AGAP1: variants seen among roughly 807,000 people sequenced by gnomAD.
AGAP1 encodes arf-GAP with GTPase, ANK repeat and PH domain-containing protein 1.
A neutral mutation model predicts 105.3 loss-of-function variants in AGAP1; 29 were observed. The observed-to-expected ratio is 0.28, with a 90% confidence interval of 0.21 to 0.38. AGAP1 has a LOEUF of 0.38. AGAP1 is among the 10% of genes least tolerant of loss of function. The pLI, the probability that AGAP1 is intolerant of heterozygous loss-of-function variation, is 1.00. For missense variants in AGAP1, 998 were observed against 1,165.1 expected, an observed-to-expected ratio of 0.86 and a Z score of 2.09; for synonymous variants, 509 against 485.9, an observed-to-expected ratio of 1.05 and a Z score of -0.63.
At chr2:235,946,091 T>G (rs1392920554) in intron 12 of AGAP1, among the ~76,000 whole-genome samples, 1 of 141,030 alleles carries the variant, frequency 7.1e-6, no homozygotes, top group Non-Finnish European at 1.5e-5. Context: ...ATCCAAATTA[T>G]GCATTTTTCC....
At position 235,555,153 on chromosome 2, in the gene AGAP1, T is replaced by G. The variant is rs771433350; in HGVS notation, c.163+60304T>G. 2.0e-5 allele frequency among the ~76,000 whole-genome samples: 3 copies of G among 152,172 alleles called. No individual in the cohort carries two copies. The highest frequency in any genetic ancestry group is 4.4e-5 in the Non-Finnish European group (3 of 68,030). On this transcript the variant is annotated intron_variant, in intron 1 of 17. Coordinates refer to ENST00000304032, the MANE Select transcript of AGAP1 (RefSeq NM_001037131.3). The surrounding 1 kb of genome is among the most constrained non-coding windows in gnomAD (Gnocchi z 5.1). ...GCAGAGGCACAGGGGTTGCTGATTCTTCTTTCCAGATGGATGTTTCTAAAG... is the reference window on the plus strand; with the variant it reads ...GCAGAGGCACAGGGGTTGCTGATTCGTCTTTCCAGATGGATGTTTCTAAAG...
At chr2:235,743,912 A>T (rs1162574958) in intron 4 of AGAP1, among the ~76,000 whole-genome samples, 1 of 152,202 alleles carries the variant, frequency 6.6e-6, no homozygotes, top group African/African-American at 2.4e-5. Flanking sequence ...GCCTCCACTC[A>T]CTCAGCTCCA....
At chr2:235,833,328 A>G (rs1485540732) in intron 9 of AGAP1, among the ~76,000 whole-genome samples, 1 of 152,214 alleles carries the variant, frequency 6.6e-6, no homozygotes, top group African/African-American at 2.4e-5. Flanking sequence ...TATTTTAGAA[A>G]CTTAGAAAAA....
chr2:235,766,823 C>T (rs143644600), intron 6 of AGAP1, among the ~76,000 whole-genome samples: 1 of 152,134 alleles, frequency 6.6e-6, no homozygotes, highest in Non-Finnish European at 1.5e-5. Context: ...CTCACTGCTA[C>T]CTCCACTTCC....
intron 1 of AGAP1, among the ~76,000 whole-genome samples, chr2:235,707,976 G>T (rs554106531): frequency 4.6e-5 from 7 of 152,218 alleles, no homozygotes; most frequent in Non-Finnish European, 1.0e-4. Context: ...CGTGTGACCT[G>T]GTGGGTTGTG....
intron 1 of AGAP1, among the ~76,000 whole-genome samples, chr2:235,573,300 G>T (rs1169592973): frequency 1.3e-5 from 2 of 151,674 alleles, no homozygotes; most frequent in Non-Finnish European, 2.9e-5. Flanking sequence ...GCCTAGGCTG[G>T]TCTCAAATTC....
Position 236,120,593 on chromosome 2 carries a change from G to A in AGAP1, c.2370+146G>A. On this transcript the variant is annotated intron_variant, in intron 17 of 17. Transcript: ENST00000304032. The surrounding 1 kb of genome is among the most constrained non-coding windows in gnomAD (Gnocchi z 6.0). ...TTCCTAATGGGAAACTCTGATTGAA[G>A]AGCAGAGGGCCTTACGGAGAGACAG... 1 of 1,426,096 alleles carries A rather than the reference G, an allele frequency of 7.0e-7. No individual in the cohort carries two copies. Among genetic ancestry groups the A allele is most frequent in the Non-Finnish European group, 9.3e-7 (1 of 1,072,078 alleles). The allele number at this position is 1,426,096 out of a possible 1,614,324, so 88.3% of individuals were successfully genotyped here. A position where few individuals can be genotyped will look rare whatever the true frequency, so the allele number is the denominator to read the frequency against.
chr2:235,773,090 CA>C (rs1955584595), intron 6 of AGAP1, among the ~76,000 whole-genome samples: 3 of 152,162 alleles, frequency 2.0e-5, no homozygotes, highest in Admixed American at 2.0e-4. Flanking sequence ...AATGAAGCAA[CA>C]AAAGCAGAGA....
At chr2:235,898,503 A>T (rs966653932) in intron 10 of AGAP1, among the ~76,000 whole-genome samples, 13 of 77,716 alleles carry the variant, frequency 1.7e-4, no homozygotes, top group Non-Finnish European at 2.8e-4. Flanking sequence ...CGCCTGTGCT[A>T]CAAAGTGAAA....
intron 6 of AGAP1, among the ~76,000 whole-genome samples, chr2:235,794,938 CAAA>C (rs1328956865): frequency 6.6e-6 from 1 of 152,124 alleles, no homozygotes; most frequent in Admixed American, 6.5e-5. Flanking sequence ...CAAATATAGA[CAAA>C]AACTCAATGG....
intron 1 of AGAP1, among the ~76,000 whole-genome samples, chr2:235,674,300 G>A (rs1553602732): frequency 6.6e-6 from 1 of 152,224 alleles, no homozygotes; most frequent in Non-Finnish European, 1.5e-5. Flanking sequence ...TGATACACAT[G>A]TGTTAGGGCA....
intron 16 of AGAP1, among the ~76,000 whole-genome samples, chr2:236,112,436 A>G (rs993043787): frequency 6.6e-6 from 1 of 150,752 alleles, no homozygotes; most frequent in African/African-American, 2.4e-5. Context: ...AAGGAAAACG[A>G]AAGAAAAGCT....
chr2:235,709,313 C>T lies in AGAP1; in HGVS notation c.222+76C>T, dbSNP rs935602818. ...GCACACCCAAGCCTGCATTCCCAGG[C>T]AACTGGTCATCGCCTGGGGCCCAGA... On this transcript the variant is annotated intron_variant, in intron 2 of 17. Coordinates refer to ENST00000304032, the MANE Select transcript of AGAP1 (RefSeq NM_001037131.3). 15 of 1,511,808 alleles carry T rather than the reference C, an allele frequency of 9.9e-6. 1 individual carries two copies. The East Asian group carries it at 1.8e-4, about 18-fold the overall frequency. The allele number at this position is 1,511,808 out of a possible 1,614,324, so 93.6% of individuals were successfully genotyped here.
At chr2:235,765,999 T>TA (rs1170160567) in intron 6 of AGAP1, among the ~76,000 whole-genome samples, 4 of 152,208 alleles carry the variant, frequency 2.6e-5, no homozygotes, top group Non-Finnish European at 4.4e-5. Flanking sequence ...TCTTGTCAGA[T>TA]AGAGTGTTTA....
At chr2:235,568,850 C>T (rs1006527823) in intron 1 of AGAP1, among the ~76,000 whole-genome samples, 8 of 152,156 alleles carry the variant, frequency 5.3e-5, no homozygotes, top group African/African-American at 1.7e-4. Flanking sequence ...AAGGCAGCAG[C>T]GGATGGAGCA....
chr2:235,577,213 A>G lies in AGAP1; in HGVS notation c.163+82364A>G, dbSNP rs917923737. Among the ~76,000 whole-genome samples the G allele has an allele frequency of 2.0e-4, 31 of 152,202 alleles. No homozygotes were observed. Among genetic ancestry groups the G allele is most frequent in the Admixed American group, 2.0e-3 (31 of 15,290 alleles). The stretch of plus-strand genomic sequence containing the variant: ...ATTTTAATAAACTGTTTAATCCAAC[A>G]TATCCAAAATATTATCCTTTCATTG... On this transcript the variant is annotated intron_variant, in intron 1 of 17. Coordinates refer to ENST00000304032, the MANE Select transcript of AGAP1 (RefSeq NM_001037131.3). This position sits in a 1 kb window ranked among gnomAD's most constrained non-coding sequence, Gnocchi z 4.5.
chr2:235,616,244 C>G (rs1559291305), intron 1 of AGAP1, among the ~76,000 whole-genome samples: 1 of 151,890 alleles, frequency 6.6e-6, no homozygotes, highest in Non-Finnish European at 1.5e-5. Flanking sequence ...ACCTGTAGTC[C>G]CAGCTACTGG....
At chr2:235,511,865 T>C (rs1466813322) in intron 1 of AGAP1, among the ~76,000 whole-genome samples, 6 of 150,114 alleles carry the variant, frequency 4.0e-5, no homozygotes, top group African/African-American at 1.5e-4. Context: ...TGTGTGAATG[T>C]GTGTGTGTAT....
At chr2:235,899,546 G>A (rs1473990465) in intron 10 of AGAP1, among the ~76,000 whole-genome samples, 1 of 152,166 alleles carries the variant, frequency 6.6e-6, no homozygotes, top group African/African-American at 2.4e-5. Context: ...TTTTAGCGCT[G>A]CACATTTTAG....
Sources: allele counts gnomAD v4.1 joint callset (sites outside exome capture counted in the v4.1 genomes callset), GRCh38; gene constraint gnomAD v4.1.1; non-coding constraint Gnocchi (gnomAD v3.1); transcripts MANE v1.5; gene names NCBI Gene and HGNC (gene_info 2026-07-23, HGNC 2026-07-21).